Variants in RASEF observed in about 807,000 individuals in gnomAD.
The protein encoded by RASEF is RAS and EF-hand domain containing.
Under a neutral mutation model 90.1 loss-of-function variants are expected in RASEF, and 68 were observed. The observed-to-expected ratio is 0.75, with a 90% CI of 0.62 to 0.92. The LOEUF (loss-of-function observed/expected upper bound fraction) is 0.92. Ranked by LOEUF, RASEF falls within the 40% of genes least tolerant of loss-of-function variation. RASEF has a pLI of 0.00. For missense variants in RASEF, 949 were observed against 937.2 expected, an observed-to-expected ratio of 1.01 and a Z score of -0.16; for synonymous variants, 331 against 345.2, an observed-to-expected ratio of 0.96 and a Z score of 0.46.
chr9:83,015,743 A>G, intron 4 of RASEF, 62 bp downstream of exon 4: 1 of 1,190,702 alleles, frequency 8.4e-7, no homozygotes, highest in Non-Finnish European at 1.3e-6. Flanking sequence ...TTTGGTTGTT[A>G]ATGGCTTAGA....
At position 83,022,422 on chromosome 9, in the gene RASEF, G is replaced by T. The variant is rs1191776320; in HGVS notation, c.583C>A (p.Gln195Lys). 18 of 1,612,864 alleles carry T rather than the reference G, an allele frequency of 1.1e-5. No individual in the cohort carries two copies. Among genetic ancestry groups the T allele is most frequent in the Admixed American group, 1.7e-5 (1 of 59,988 alleles). Residue 195 changes from glutamine (Q) to lysine (K), a missense_variant, in exon 3 of 17, where the codon CAG (glutamine) becomes AAG (lysine). By Grantham distance (53) the Gln-to-Lys change is moderately conservative (BLOSUM62 1). This residue lies in a region of RASEF where 656 missense variants were observed against 592.2 expected (regional missense o/e 1.11). Transcript: ENST00000376447. ...ENLAIAVKRA[Q>K]DKAAMQLSEL... ...CTCAACTGCATAGCTGCCTTGTCCTGGGCTCTGAAATTCAAAAGGATGCAC... is the reference window on the plus strand; with the variant it reads ...CTCAACTGCATAGCTGCCTTGTCCTTGGCTCTGAAATTCAAAAGGATGCAC...
At chr9:83,054,648 G>T (rs1393142482) in intron 1 of RASEF, 1 of 148,306 alleles carries the variant, frequency 6.7e-6, no homozygotes, top group Non-Finnish European at 1.5e-5. Context: ...CAGTTTTTCT[G>T]TTCTGTTTTT....
chr9:83,026,751 A>G (rs999293705), intron 1 of RASEF, among the ~76,000 whole-genome samples: 2 of 152,194 alleles, frequency 1.3e-5, no homozygotes, highest in African/African-American at 4.8e-5. Context: ...ATTTTTATAT[A>G]TATTTGCATT....
At position 83,021,502 on chromosome 9, in the gene RASEF, A is replaced by G. The variant is rs1463671560; in HGVS notation, c.669+834T>C. Among the ~76,000 whole-genome samples, 3 of 152,378 alleles carry G rather than the reference A, an allele frequency of 2.0e-5. No individual in the cohort carries two copies. The East Asian group carries it at 5.8e-4, about 29-fold the overall frequency. On this transcript the variant is annotated intron_variant, in intron 3 of 16. Transcript: ENST00000376447. ...AAAAATTATTTCTTCAATGGAAATC[A>G]CTGAAGGTAACATATCACTTTCAAC...
In RASEF at chr9:83,062,389, A is replaced by G. The variant is rs879017985; in HGVS notation, c.431+48T>C. 1.9e-6 allele frequency: 3 copies of G among 1,589,346 alleles called. No homozygotes were observed. The South Asian group carries it at 3.4e-5, about 18-fold the overall frequency. On this transcript the variant is annotated intron_variant, in intron 1 of 16. Coordinates refer to ENST00000376447, the MANE Select transcript of RASEF (RefSeq NM_152573.4). ...CACCTGCAAGTAAGTGGGAAGAAGC[A>G]AGCAGGAAGCGCCAGAATAACCTCC...
chr9:83,140,341 T>C, the RASEF span, among the ~76,000 whole-genome samples: 11 of 152,314 alleles, frequency 7.2e-5, no homozygotes, highest in Non-Finnish European at 1.3e-4. Flanking sequence ...TTACCTCTAA[T>C]GCAGCAAGAC....
At chr9:83,205,165 T>G in the RASEF span, among the ~76,000 whole-genome samples, 1 of 152,248 alleles carries the variant, frequency 6.6e-6, no homozygotes, top group Non-Finnish European at 1.5e-5. Flanking sequence ...AAGAAATACA[T>G]CTATGGAAGA....
the RASEF span, among the ~76,000 whole-genome samples, chr9:83,139,858 TTTAGCAAATACTAAATTGG>T: frequency 6.6e-6 from 1 of 152,226 alleles, no homozygotes; most frequent in South Asian, 2.1e-4. Context: ...TTTTTAGTAT[TTTAGCAAATACTAAATTGG>T]TTAGCAAATA....
the RASEF span, among the ~76,000 whole-genome samples, chr9:83,214,202 G>A: frequency 3.9e-5 from 6 of 152,110 alleles, no homozygotes; most frequent in Non-Finnish European, 7.4e-5. Context: ...CCTGGCCAAC[G>A]GGGAAACCCC....
chr9:83,002,957 C>A (rs181743815), intron 9 of RASEF, among the ~76,000 whole-genome samples: 1 of 152,212 alleles, frequency 6.6e-6, no homozygotes, highest in Non-Finnish European at 1.5e-5. Context: ...AACTGCATAT[C>A]CTTTTCAAAG....
At chr9:83,152,353 A>G in the RASEF span, among the ~76,000 whole-genome samples, 1 of 152,222 alleles carries the variant, frequency 6.6e-6, no homozygotes, top group East Asian at 1.9e-4. Context: ...CTCTTCATTC[A>G]TGACAATGAA....
At chr9:83,198,346 C>T in the RASEF span, among the ~76,000 whole-genome samples, 2 of 152,158 alleles carry the variant, frequency 1.3e-5, no homozygotes, top group Non-Finnish European at 2.9e-5. Context: ...TTTCTCTTTA[C>T]TGTCTAAAAA....
chr9:83,027,407 T>A (rs569842406), intron 1 of RASEF, among the ~76,000 whole-genome samples: 1 of 152,216 alleles, frequency 6.6e-6, no homozygotes, highest in African/African-American at 2.4e-5. Flanking sequence ...TCAGCCCCCA[T>A]CCTGAAGGTC....
the RASEF span, among the ~76,000 whole-genome samples, chr9:83,078,382 T>C: frequency 6.6e-6 from 1 of 152,080 alleles, no homozygotes; most frequent in Non-Finnish European, 1.5e-5. Context: ...TAAACAGAAA[T>C]GAGGCTGGGC....
At chr9:83,049,529 C>CTTTTTTTTTTTT (rs10687615) in intron 1 of RASEF, among the ~76,000 whole-genome samples, 42 of 99,068 alleles carry the variant, frequency 4.2e-4, no homozygotes, top group Non-Finnish European at 5.5e-4. Flanking sequence ...TTCTGCCTTC[C>CTTTTTTTTTTTT]TTTTTTTTTT....
In RASEF at chr9:83,038,281, A is replaced by C. The variant is rs946017052; in HGVS notation, c.432-12360T>G. On this transcript the variant is annotated intron_variant, in intron 1 of 16. Coordinates refer to ENST00000376447, the MANE Select transcript of RASEF (RefSeq NM_152573.4). The stretch of plus-strand genomic sequence containing the variant: ...TCACATATGTTAACATTTACATGTC[A>C]ATACCAAGACAAAAAAGAATTTACG... Among the ~76,000 whole-genome samples the C allele has an allele frequency of 3.3e-5, 5 of 152,150 alleles. No homozygotes were observed. The East Asian group carries it at 7.7e-4, about 23-fold the overall frequency.
At chr9:83,099,506 T>TA in the RASEF span, among the ~76,000 whole-genome samples, 1 of 152,210 alleles carries the variant, frequency 6.6e-6, no homozygotes, top group African/African-American at 2.4e-5. Flanking sequence ...AAGTCAAACT[T>TA]ATATAGCAGG....
the RASEF span, among the ~76,000 whole-genome samples, chr9:83,109,057 C>A: frequency 6.6e-6 from 1 of 152,186 alleles, no homozygotes; most frequent in Non-Finnish European, 1.5e-5. Flanking sequence ...GTGTTGCATG[C>A]TGGAAGAATA....
Position 83,015,917 on chromosome 9 carries a change from T to A in RASEF, c.670-17A>T, listed in dbSNP as rs1218066237. 4 of 1,568,706 alleles carry A rather than the reference T, an allele frequency of 2.5e-6. No individual in the cohort carries two copies. Among genetic ancestry groups the A allele is most frequent in the Non-Finnish European group, 3.5e-6 (4 of 1,141,838 alleles). ...GCGTTTTTCCTAAAAGAAAAAAAAA[T>A]ATGTTGTTCATTTAAATAAGTTCAC... On this transcript the variant is annotated splice_polypyrimidine_tract_variant and intron_variant, in intron 3 of 16. Transcript: ENST00000376447.
Sources: allele counts gnomAD v4.1 joint callset (sites outside exome capture counted in the v4.1 genomes callset), GRCh38; gene constraint gnomAD v4.1.1; regional missense constraint gnomAD v4.1.1; transcripts MANE v1.5; gene names NCBI Gene and HGNC (gene_info 2026-07-23, HGNC 2026-07-21).